PRIMA1: variants seen among roughly 807,000 people sequenced by gnomAD.
The protein encoded by PRIMA1 is proline rich membrane anchor 1, also known as proline-rich membrane anchor 1.
Under a neutral mutation model 17.5 loss-of-function variants are expected in PRIMA1, and 7 were observed. The observed-to-expected ratio is 0.40, with a 90% CI of 0.23 to 0.75. The LOEUF is 0.75. Among genes scored for constraint, PRIMA1 ranks in the 30% least tolerant of loss-of-function variants. The pLI is 0.37. For synonymous variants in PRIMA1, 97 were observed against 77.9 expected (o/e 1.25, Z -1.29); for missense variants, 200 against 201.8 (o/e 0.99, Z 0.05).
intron 3 of PRIMA1, among the ~76,000 whole-genome samples, chr14:93,777,640 C>G (rs959251118): frequency 1.1e-4 from 17 of 152,276 alleles, no homozygotes; most frequent in African/African-American, 4.1e-4. Flanking sequence ...CCGACCAATC[C>G]CATTTATTCT....
chr14:93,735,556 G>A lies in PRIMA1; in HGVS notation c.359+1685C>T, dbSNP rs1032185797. On this transcript the variant is annotated intron_variant, in intron 4 of 4. Transcript: ENST00000393140. ...CTCGCACAGCCTCATGGAGCAGCCT[G>A]TAGGCACAGCCTCTGTCTTACCTCT... 5.3e-5 allele frequency among the ~76,000 whole-genome samples: 8 copies of A among 152,164 alleles called. No individual in the cohort carries two copies. The East Asian group carries it at 1.5e-3, about 29-fold the overall frequency.
intron 3 of PRIMA1, among the ~76,000 whole-genome samples, chr14:93,767,183 G>T (rs943996242): frequency 3.9e-5 from 6 of 152,196 alleles, no homozygotes; most frequent in Non-Finnish European, 8.8e-5. Flanking sequence ...AATAGCAAAC[G>T]TCACAACAGC....
In PRIMA1 at chr14:93,746,473, T is replaced by C. The variant is rs560338423; in HGVS notation, c.230-9103A>G. ...GCTGGAGTGCAGGCCCGGAGGTGAGTGTGGGCCTGGCAGTTCTGGGGAGCA... is the reference window on the plus strand; with the variant it reads ...GCTGGAGTGCAGGCCCGGAGGTGAGCGTGGGCCTGGCAGTTCTGGGGAGCA... On this transcript the variant is annotated intron_variant, in intron 3 of 4. Coordinates refer to ENST00000393140, the MANE Select transcript of PRIMA1 (RefSeq NM_178013.4). 3.3e-5 allele frequency among the ~76,000 whole-genome samples: 5 copies of C among 151,160 alleles called. No homozygotes were observed. In the East Asian group the frequency reaches 5.9e-4, roughly 18 times the overall value.
intron 4 of PRIMA1, among the ~76,000 whole-genome samples, chr14:93,734,179 G>A (rs1456196235): frequency 6.6e-6 from 1 of 152,220 alleles, no homozygotes; most frequent in Non-Finnish European, 1.5e-5. Context: ...GTCTGCAGAT[G>A]GATGCACAGC....
chr14:93,752,273 G>A (rs2141173014), intron 3 of PRIMA1, among the ~76,000 whole-genome samples: 1 of 152,284 alleles, frequency 6.6e-6, no homozygotes, highest in South Asian at 2.1e-4. Flanking sequence ...GGAAACTGAG[G>A]GTTCCGAAGG....
chr14:93,767,174 A>T (rs1343668511), intron 3 of PRIMA1, among the ~76,000 whole-genome samples: 1 of 152,248 alleles, frequency 6.6e-6, no homozygotes, highest in Non-Finnish European at 1.5e-5. Context: ...CTGATCAGAA[A>T]TAGCAAACGT....
rs145703291 is a variant in PRIMA1, at chr14:93,752,908, A to G, written c.230-15538T>C. Among the ~76,000 whole-genome samples, 1,079 of 152,320 alleles carry G rather than the reference A, an allele frequency of 7.1e-3. 12 individuals carry two copies. Among genetic ancestry groups the G allele is most frequent in the African/African-American group, 0.025 (1,028 of 41,562 alleles). On this transcript the variant is annotated intron_variant, in intron 3 of 4. Coordinates refer to ENST00000393140, the MANE Select transcript of PRIMA1 (RefSeq NM_178013.4). ...GGGATCCTCAACATCGACATCGTGG[A>G]CAATTTGGACTGGATAGTTCTTTAT...
rs528392709 is a variant in PRIMA1, at chr14:93,726,092, A to C, written c.360-4546T>G. On this transcript the variant is annotated intron_variant, in intron 4 of 4. Transcript: ENST00000393140. The surrounding 1 kb of genome is among the most constrained non-coding windows in gnomAD (Gnocchi z 4.2). ...TAGGAGGGTGGGCTCTGCCACCTTC[A>C]GACTTCTTGTCCCCTGCCCTGGGCT... 2.2e-6 allele frequency: 1 copy of C among 455,974 alleles called. No homozygotes were observed. 28.2% of individuals were successfully genotyped at this position (455,974 alleles called of 1,614,324 possible).
intron 3 of PRIMA1, among the ~76,000 whole-genome samples, chr14:93,766,672 T>C (rs1429626588): frequency 6.6e-6 from 1 of 152,126 alleles, no homozygotes; most frequent in Non-Finnish European, 1.5e-5. Flanking sequence ...GGTAAACAAA[T>C]TGCAGACGCT....
At chr14:93,769,081 C>G (rs530123014) in intron 3 of PRIMA1, among the ~76,000 whole-genome samples, 1 of 152,038 alleles carries the variant, frequency 6.6e-6, no homozygotes, top group South Asian at 2.1e-4. Context: ...GGATCTCAAA[C>G]TCATCTGGAG....
rs1227871014 is a variant in PRIMA1 at position 93,719,233 on chromosome 14, G to C, written c.*2211C>G. The C allele has an allele frequency of 6.6e-6, 1 of 152,206 alleles. No homozygotes were observed. The highest frequency in any genetic ancestry group is 1.5e-5 in the Non-Finnish European group (1 of 68,056). 9.4% of individuals were successfully genotyped at this position (152,206 alleles called of 1,614,324 possible). A position where few individuals can be genotyped will look rare whatever the true frequency, so the allele number is the denominator to read the frequency against. ...GGGAAGAGGATACAGGCCCCAAAAC[G>C]TGGTGATGGCTCAGCTGATTCCTCA... is the stretch of plus-strand genomic sequence containing the variant. On this transcript the variant is annotated 3_prime_UTR_variant, in exon 5 of 5. Transcript: ENST00000393140.
chr14:93,722,574 A>C (rs1281057084), intron 4 of PRIMA1, among the ~76,000 whole-genome samples: 1 of 142,826 alleles, frequency 7.0e-6, no homozygotes, highest in African/African-American at 2.5e-5. Flanking sequence ...GTTGAAGGTT[A>C]AAATGCTGGT....
At chr14:93,784,893 G>A (rs1281608311) in intron 2 of PRIMA1, among the ~76,000 whole-genome samples, 1 of 152,082 alleles carries the variant, frequency 6.6e-6, no homozygotes, top group Non-Finnish European at 1.5e-5. Flanking sequence ...CTTAACAAAG[G>A]GCCTGGCATA....
chr14:93,768,884 C>T (rs930186947), intron 3 of PRIMA1, among the ~76,000 whole-genome samples: 5 of 148,736 alleles, frequency 3.4e-5, no homozygotes, highest in East Asian at 2.0e-4. Context: ...TGGCTCACCG[C>T]GACCTCCACC....
At position 93,764,343 on chromosome 14, in the gene PRIMA1, C is replaced by T. The variant is rs568612257; in HGVS notation, c.229+14833G>A. On this transcript the variant is annotated intron_variant, in intron 3 of 4. Transcript: ENST00000393140. The stretch of plus-strand genomic sequence containing the variant: ...ATCCCAGCCCAGCCAGCACCTCCTC[C>T]AGGACACCTGCCCTGGTCGGACACC... Among the ~76,000 whole-genome samples, 711 of 150,976 alleles carry T rather than the reference C, an allele frequency of 4.7e-3. 4 individuals are homozygous for T. The highest frequency in any genetic ancestry group is 0.021 in the South Asian group (99 of 4,704).
intron 4 of PRIMA1, among the ~76,000 whole-genome samples, chr14:93,729,895 A>C (rs1949053089): frequency 6.6e-6 from 1 of 150,864 alleles, no homozygotes; most frequent in Admixed American, 6.6e-5. Context: ...CTACTGAAGA[A>C]ATGGGGTTGA....
chr14:93,774,704 G>A (rs1030894272), intron 3 of PRIMA1, among the ~76,000 whole-genome samples: 1 of 152,074 alleles, frequency 6.6e-6, no homozygotes, highest in African/African-American at 2.4e-5. Context: ...TTGTAATTAC[G>A]TATCCCCTTC....
chr14:93,727,693 T>C (rs1158436326), intron 4 of PRIMA1, among the ~76,000 whole-genome samples: 1 of 152,120 alleles, frequency 6.6e-6, no homozygotes, highest in Non-Finnish European at 1.5e-5. Context: ...GGAGGTCCTA[T>C]ACAGAACAGG....
Position 93,737,368 on chromosome 14 carries a change from G to C in PRIMA1, c.232C>G (p.Pro78Ala), listed in dbSNP as rs754840350. The C allele has an allele frequency of 3.7e-6, 6 of 1,613,690 alleles. No individual in the cohort carries two copies. The highest frequency in any genetic ancestry group is 5.1e-6 in the Non-Finnish European group (6 of 1,179,896). The change falls in exon 4 of 5, where the codon CCC becomes GCC. Residue 78 changes from proline (P) to alanine (A), a missense_variant and splice_region_variant. Transcript: ENST00000393140. ...PPPRLLSAPA[P>A]NSTSCPTEES... Reference sequence around the variant, plus strand: ...TCAGTGGGGCAAGAGGTAGAGTTGGGAGCTGAAAAAGACAGGAGCAGCCTG... The same window carrying C: ...TCAGTGGGGCAAGAGGTAGAGTTGGCAGCTGAAAAAGACAGGAGCAGCCTG...
Sources: gnomAD v4.1 joint callset for allele counts (sites outside exome capture counted in the v4.1 genomes callset) on GRCh38, gnomAD v4.1.1 for gene constraint, Gnocchi (gnomAD v3.1) non-coding constraint, MANE v1.5 for transcripts, NCBI Gene and HGNC (gene_info 2026-07-23, HGNC 2026-07-21) for gene names.